Variants in LRRC14 observed in about 807,000 individuals in gnomAD.
LRRC14 encodes the protein leucine-rich repeat-containing protein 14.
In LRRC14, 16 loss-of-function variants were observed where a neutral mutation model predicts 25.3. The ratio of observed to expected loss-of-function variants is 0.63; its 90% CI spans 0.43 to 0.96. The LOEUF is 0.96. Ranked by LOEUF, LRRC14 falls within the 40% of genes least tolerant of loss-of-function variation. LRRC14 has a pLI of 0.00. For missense variants in LRRC14, 594 were observed against 660.5 expected (o/e 0.90, Z 1.10); for synonymous variants, 359 against 295.1 (o/e 1.22, Z -2.22).
rs758728596 is a variant in LRRC14 at position 144,524,092 on chromosome 8, T to C, written c.*2614T>C. On this transcript the variant is annotated 3_prime_UTR_variant, in exon 4 of 4. Transcript: ENST00000292524. ...AACACCGTGGCCCAGACAGAGACGCTTTCCGAGGAAGAGGTACCTGTGAGG... is the reference window on the plus strand; with the variant it reads ...AACACCGTGGCCCAGACAGAGACGCCTTCCGAGGAAGAGGTACCTGTGAGG... The C allele has an allele frequency of 6.3e-7, 1 of 1,591,474 alleles. No individual in the cohort carries two copies. Among genetic ancestry groups the C allele is most frequent in the Non-Finnish European group, 8.6e-7 (1 of 1,164,466 alleles).
Position 144,522,682 on chromosome 8 carries a change from G to A in LRRC14, c.*1204G>A, listed in dbSNP as rs1048978651. On this transcript the variant is annotated 3_prime_UTR_variant, in exon 4 of 4. Transcript: ENST00000292524. ...AGGGGCCGTCCAAGTAGTCGTTGAC[G>A]AACAGCGCTCCCTCCCCCGGAGGCC... is the stretch of plus-strand genomic sequence containing the variant. The A allele has an allele frequency of 3.8e-6, 6 of 1,596,334 alleles. No homozygotes were observed. The highest frequency in any genetic ancestry group is 2.7e-5 in the African/African-American group (2 of 73,642).
Position 144,523,031 on chromosome 8 carries a change from A to AT in LRRC14, c.*1554dup. 6.2e-7 allele frequency: 1 copy of AT among 1,601,084 alleles called. No homozygotes were observed. The highest frequency in any genetic ancestry group is 8.5e-7 in the Non-Finnish European group (1 of 1,175,856). ...CAGCGTGATGTTGCTGAGGAAGAGC[A>AT]TGCCGCTGCCCGTGTCGGATGCCGA... On this transcript the variant is annotated 3_prime_UTR_variant, in exon 4 of 4. Coordinates refer to ENST00000292524, the MANE Select transcript of LRRC14 (RefSeq NM_014665.4).
At chr8:144,518,497 CA>C (rs1815634642) in intron 1 of LRRC14, 1 of 152,296 alleles carries the variant, frequency 6.6e-6, no homozygotes, top group African/African-American at 2.4e-5. Context: ...TCTCCCGTGA[CA>C]AGTGCTCGGT....
chr8:144,519,918 C>T lies in LRRC14; in HGVS notation c.193C>T (p.Leu65=), dbSNP rs774370003. The change falls in exon 2 of 4, where the codon CTA becomes TTA. Residue 65 remains leucine (L), a synonymous_variant. Coordinates refer to ENST00000292524, the MANE Select transcript of LRRC14 (RefSeq NM_014665.4). ...PFPLLSFQQL[L]QECAHCSRAL... ...CCCGCTGCTCAGTTTCCAGCAGCTG[C>T]TACAGGAGTGTGCCCACTGCAGCCG... 1.9e-6 allele frequency: 3 copies of T among 1,613,300 alleles called. No individual in the cohort carries two copies. The highest frequency in any genetic ancestry group is 3.3e-5 in the Admixed American group (2 of 60,032).
rs762429651 is a variant in LRRC14 at position 144,523,180 on chromosome 8, A to G, written c.*1702A>G. The G allele has an allele frequency of 6.2e-7, 1 of 1,609,834 alleles. No individual in the cohort carries two copies. Among genetic ancestry groups the G allele is most frequent in the Non-Finnish European group, 8.5e-7 (1 of 1,178,870 alleles). ...GCGGGTAGCCGGAGGCTTGGCAGGCAACCCGCAGGTCCTCACCCAGGTTGG... is the reference window on the plus strand; with the variant it reads ...GCGGGTAGCCGGAGGCTTGGCAGGCGACCCGCAGGTCCTCACCCAGGTTGG... On this transcript the variant is annotated 3_prime_UTR_variant, in exon 4 of 4. Coordinates refer to ENST00000292524, the MANE Select transcript of LRRC14 (RefSeq NM_014665.4).
In LRRC14 at chr8:144,521,290, G is replaced by C. The variant is rs1287231668; in HGVS notation, c.1294G>C (p.Val432Leu). ...GCGTACTGTGGTGCACCCCTTCCCT[G>C]TGGACTGCTATGAGGGCTTGCCCTG... ...ELRTVVHPFP[V>L]DCYEGLPWPP... Residue 432 changes from valine to leucine, a missense_variant, in exon 4 of 4, where the codon GTG becomes CTG. Val to Leu is a conservative substitution (Grantham distance 32). Transcript: ENST00000292524. 2 of 1,612,944 alleles carry C rather than the reference G, an allele frequency of 1.2e-6. No homozygotes were observed.
chr8:144,520,465 G>A lies in LRRC14; in HGVS notation c.557G>A (p.Arg186Gln), dbSNP rs770280642. The change falls in exon 3 of 4, where the codon CGA becomes CAA. Residue 186 changes from arginine (R) to glutamine (Q), a missense_variant. Transcript: ENST00000292524. ...ASYAFLREAL[R>Q]SSVGSPLRLC... is the part of the protein sequence containing the mutation. ...TATGCGTTCCTGCGGGAGGCACTCC[G>A]AAGCAGCGTGGGCAGCCCGCTGCGG... 7.5e-6 allele frequency: 12 copies of A among 1,596,920 alleles called. No homozygotes were observed. The highest frequency in any genetic ancestry group is 2.2e-5 in the East Asian group (1 of 44,704).
In LRRC14 at chr8:144,520,508, G is replaced by T; in HGVS notation, c.600G>T (p.Leu200=). Residue 200 remains leucine (L), a synonymous_variant, in exon 3 of 4, where the codon CTG becomes CTT. Transcript: ENST00000292524. ...CGCTGCGGCTCTGCTGCCGGGACCT[G>T]CGAGCTGAGGACCTGCCCATGCGCA... The part of the protein sequence containing the change: ...GSPLRLCCRD[L]RAEDLPMRNT... 1 of 1,598,942 alleles carries T rather than the reference G, an allele frequency of 6.3e-7. No individual in the cohort carries two copies.
Position 144,522,386 on chromosome 8 carries a change from A to G in LRRC14, c.*908A>G, listed in dbSNP as rs934766677. The G allele has an allele frequency of 6.6e-6, 9 of 1,361,542 alleles. No homozygotes were observed. Among genetic ancestry groups the G allele is most frequent in the Middle Eastern group, 2.7e-4 (1 of 3,686 alleles). The allele number at this position is 1,361,542 out of a possible 1,614,324, so 84.3% of individuals were successfully genotyped here. On this transcript the variant is annotated 3_prime_UTR_variant, in exon 4 of 4. Transcript: ENST00000292524. ...GCGCCCCACACACGGCTCAGCGCACACTGCGCGGCTTCCACCTTTACTGAC... is the reference window on the plus strand; with the variant it reads ...GCGCCCCACACACGGCTCAGCGCACGCTGCGCGGCTTCCACCTTTACTGAC...
chr8:144,522,263 G>T lies in LRRC14; in HGVS notation c.*785G>T. ...CCCCCATGCAGAGCTGGAGGTTGGG[G>T]TGATGTCTTTTCGGAAGAGCTTCAA... is the stretch of plus-strand genomic sequence containing the variant. On this transcript the variant is annotated 3_prime_UTR_variant, in exon 4 of 4. Transcript: ENST00000292524. 1 of 644,306 alleles carries T rather than the reference G, an allele frequency of 1.6e-6. No homozygotes were observed. Among genetic ancestry groups the T allele is most frequent in the Non-Finnish European group, 2.3e-6 (1 of 427,502 alleles). The allele number at this position is 644,306 out of a possible 1,614,324, so 39.9% of individuals were successfully genotyped here. A position where few individuals can be genotyped will look rare whatever the true frequency, so the allele number is the denominator to read the frequency against.
Position 144,521,371 on chromosome 8 carries a change from C to A in LRRC14, c.1375C>A (p.Arg459Ser). ...CTCCATCAATGAGGAGAAGTTTGCCCGCGTAGAAGCTGAGTTGCACCAGCT... is the reference window on the plus strand; with the variant it reads ...CTCCATCAATGAGGAGAAGTTTGCCAGCGTAGAAGCTGAGTTGCACCAGCT... ...EASINEEKFA[R>S]VEAELHQLLL... Residue 459 changes from arginine (R) to serine (S), a missense_variant, in exon 4 of 4, where the codon CGC becomes AGC. Arg to Ser is a moderately radical substitution (Grantham distance 110, BLOSUM62 -1). Transcript: ENST00000292524. 14 of 1,612,642 alleles carry A rather than the reference C, an allele frequency of 8.7e-6. No homozygotes were observed. The highest frequency in any genetic ancestry group is 1.1e-5 in the Non-Finnish European group (13 of 1,180,018).
At position 144,524,541 on chromosome 8, in the gene LRRC14, A is replaced by G; in HGVS notation, c.*3063A>G. 6.3e-7 allele frequency: 1 copy of G among 1,584,758 alleles called. No homozygotes were observed. The highest frequency in any genetic ancestry group is 8.5e-7 in the Non-Finnish European group (1 of 1,173,960). On this transcript the variant is annotated 3_prime_UTR_variant, in exon 4 of 4. Transcript: ENST00000292524. The stretch of plus-strand genomic sequence containing the variant: ...CAGGCCTACGAAGGCGCCGCTGCGC[A>G]AGCCGCGCAGCCGGTTGCTAGTGAG...
Position 144,522,949 on chromosome 8 carries a change from C to T in LRRC14, c.*1471C>T, listed in dbSNP as rs1459758053. On this transcript the variant is annotated 3_prime_UTR_variant, in exon 4 of 4. Transcript: ENST00000292524. ...ACGCGTTGACCAGGAGCCGGAAGGGCACGCGGGCAGCGCCGCCGGCGTTGG... is the reference window on the plus strand; with the variant it reads ...ACGCGTTGACCAGGAGCCGGAAGGGTACGCGGGCAGCGCCGCCGGCGTTGG... 1.3e-6 allele frequency: 2 copies of T among 1,570,676 alleles called. No homozygotes were observed. The highest frequency in any genetic ancestry group is 1.7e-6 in the Non-Finnish European group (2 of 1,166,548).
At chr8:144,519,580 G>A (rs1815833616) in intron 1 of LRRC14, 35 bp from the exon 2 acceptor site, 2 of 703,016 alleles carry the variant, frequency 2.8e-6, no homozygotes, top group African/African-American at 1.8e-5. Flanking sequence ...GCTTCTCTGT[G>A]CCATGGCCAC....
At position 144,524,774 on chromosome 8, in the gene LRRC14, C is replaced by T. The variant is rs142427031; in HGVS notation, c.*3296C>T. 5.6e-6 allele frequency: 8 copies of T among 1,436,196 alleles called. No individual in the cohort carries two copies. Among genetic ancestry groups the T allele is most frequent in the Admixed American group, 2.8e-5 (1 of 35,720 alleles). The allele number at this position is 1,436,196 out of a possible 1,614,324, so 89.0% of individuals were successfully genotyped here. On this transcript the variant is annotated 3_prime_UTR_variant, in exon 4 of 4. Coordinates refer to ENST00000292524, the MANE Select transcript of LRRC14 (RefSeq NM_014665.4). ...CCCCGTTGCGGGGGTCTTCCTCTCCCTGGGGGCACCCCGTCCTCCCGCAGC... is the reference window on the plus strand; with the variant it reads ...CCCCGTTGCGGGGGTCTTCCTCTCCTTGGGGGCACCCCGTCCTCCCGCAGC...
rs937268866 is a variant in LRRC14 at position 144,520,916 on chromosome 8, T to C, written c.920T>C (p.Leu307Pro). 2 of 1,609,640 alleles carry C rather than the reference T, an allele frequency of 1.2e-6. No homozygotes were observed. The highest frequency in any genetic ancestry group is 1.7e-6 in the Non-Finnish European group (2 of 1,179,378). Residue 307 changes from leucine to proline, a missense_variant, in exon 4 of 4, where the codon CTG (leucine) becomes CCG (proline). By Grantham distance (98) the Leu-to-Pro change is moderately conservative. Coordinates refer to ENST00000292524, the MANE Select transcript of LRRC14 (RefSeq NM_014665.4). ...GACCCCTGTGTCCCCTGTAGCACCCTGCAGAGCCCCCTGGAGAGCCTGGAG... is the reference window on the plus strand; with the variant it reads ...GACCCCTGTGTCCCCTGTAGCACCCCGCAGAGCCCCCTGGAGAGCCTGGAG... ...SGRLDQLLST[L>P]QSPLESLELA...
Position 144,520,027 on chromosome 8 carries a change from C to T in LRRC14, c.302C>T (p.Pro101Leu). 1 of 1,608,404 alleles carries T rather than the reference C, an allele frequency of 6.2e-7. No individual in the cohort carries two copies. Among genetic ancestry groups the T allele is most frequent in the Non-Finnish European group, 8.5e-7 (1 of 1,178,946 alleles). The change falls in exon 2 of 4, where the codon CCT (proline) becomes CTT (leucine). Residue 101 changes from proline to leucine, a missense_variant. Physicochemically the swap from Pro to Leu is moderately conservative, Grantham distance 98 (BLOSUM62 -3). Transcript: ENST00000292524. ...ACTGCCCGGCTCCACACCTCAGAGCCTGGGGCCAGCACACAGCCCCTCTGC... is the reference window on the plus strand; with the variant it reads ...ACTGCCCGGCTCCACACCTCAGAGCTTGGGGCCAGCACACAGCCCCTCTGC... ...GLTARLHTSE[P>L]GASTQPLCRK...
rs1397572554 is a variant in LRRC14 at position 144,523,474 on chromosome 8, GT to G, written c.*2000del. 7.4e-6 allele frequency: 11 copies of G among 1,487,818 alleles called. No individual in the cohort carries two copies. In the East Asian group the frequency reaches 2.1e-4, roughly 29 times the overall value. The allele number at this position is 1,487,818 out of a possible 1,614,324, so 92.2% of individuals were successfully genotyped here. ...TGCTAAAACAGCCTGTGCAGTTGGG[GT>G]TTTGCAGGCCAGGACAGAGGCCTCT... is the stretch of plus-strand genomic sequence containing the variant. On this transcript the variant is annotated 3_prime_UTR_variant, in exon 4 of 4. Transcript: ENST00000292524.
Position 144,519,711 on chromosome 8 carries a change from G to T in LRRC14, c.-15G>T. 1 of 1,594,614 alleles carries T rather than the reference G, an allele frequency of 6.3e-7. No homozygotes were observed. Among genetic ancestry groups the T allele is most frequent in the South Asian group, 1.1e-5 (1 of 89,764 alleles). On this transcript the variant is annotated 5_prime_UTR_variant, in exon 2 of 4. Coordinates refer to ENST00000292524, the MANE Select transcript of LRRC14 (RefSeq NM_014665.4). Reference sequence around the variant, plus strand: ...GTCCCTCTCCTGCAGGTGGCCGTCTGCCCGGCCCAGCACCATGCACACGCT... The same window carrying T: ...GTCCCTCTCCTGCAGGTGGCCGTCTTCCCGGCCCAGCACCATGCACACGCT...
Sources: allele counts gnomAD v4.1 joint callset, GRCh38; gene constraint gnomAD v4.1.1; transcripts MANE v1.5; gene names NCBI Gene and HGNC (gene_info 2026-07-23, HGNC 2026-07-21).